The following MTREX variants were observed in gnomAD, a reference collection of about 807,000 sequenced individuals.
The protein encoded by MTREX is exosome RNA helicase MTR4.
Under a neutral mutation model 135.4 loss-of-function variants are expected in MTREX, and 76 were observed. That is an observed-to-expected ratio of 0.56 (90% CI 0.47 to 0.68). MTREX has a LOEUF of 0.68. MTREX is among the 30% of genes least tolerant of loss of function. MTREX has a pLI of 0.00. For synonymous variants in MTREX, 404 were observed against 401.6 expected, an observed-to-expected ratio of 1.01 and a Z score of -0.07; for missense variants, 920 against 1,262.1, an observed-to-expected ratio of 0.73 and a Z score of 4.11.
intron 21 of MTREX, among the ~76,000 whole-genome samples, chr5:55,401,981 G>A (rs1354147364): frequency 6.6e-6 from 1 of 152,122 alleles, no homozygotes; most frequent in Non-Finnish European, 1.5e-5. Context: ...AAGCTCCTTA[G>A]AGTCAGATGT....
chr5:55,405,890 G>A lies in MTREX; in HGVS notation c.2645+302G>A, dbSNP rs113527081. On this transcript the variant is annotated intron_variant, in intron 22 of 26. Transcript: ENST00000230640. ...TTAGATCTCAGTAATTAACACAAGCGCTCCTAGCATTTGTATGTATTTCCT... is the reference window on the plus strand; with the variant it reads ...TTAGATCTCAGTAATTAACACAAGCACTCCTAGCATTTGTATGTATTTCCT... Among the ~76,000 whole-genome samples the A allele has an allele frequency of 5.5e-3, 829 of 152,008 alleles. 5 individuals carry two copies. Among genetic ancestry groups the A allele is most frequent in the African/African-American group, 0.019 (797 of 41,450 alleles).
At chr5:55,399,200 C>G (rs1246182163) in intron 20 of MTREX, among the ~76,000 whole-genome samples, 1 of 152,158 alleles carries the variant, frequency 6.6e-6, no homozygotes, top group African/African-American at 2.4e-5. Context: ...CCAGAGATAT[C>G]AGTCTTTTGA....
rs765668458 is a variant in MTREX, at chr5:55,347,047, T to C, written c.1143T>C (p.Ile381=). The C allele has an allele frequency of 8.1e-6, 13 of 1,610,858 alleles. No homozygotes were observed. Among genetic ancestry groups the C allele is most frequent in the Non-Finnish European group, 9.3e-6 (11 of 1,178,946 alleles). The stretch of plus-strand genomic sequence containing the variant: ...ATGTTTTCAAAATTGTGAAGATGAT[T>C]ATGGAAAGAAATTTCCAACCTGTGA... ...PSNVFKIVKM[I]MERNFQPVII... is the part of the protein sequence containing the mutation. Residue 381 remains isoleucine, a synonymous_variant, in exon 11 of 27, where the codon ATT becomes ATC. Transcript: ENST00000230640.
At chr5:55,409,018 C>G (rs909446954) in intron 22 of MTREX, among the ~76,000 whole-genome samples, 3 of 152,068 alleles carry the variant, frequency 2.0e-5, no homozygotes, top group Admixed American at 6.6e-5. Context: ...GTGGCAAGAT[C>G]ATGGCTCAGT....
chr5:55,419,732 G>T (rs1308581801), intron 25 of MTREX, among the ~76,000 whole-genome samples: 1 of 152,180 alleles, frequency 6.6e-6, no homozygotes, highest in African/African-American at 2.4e-5. Context: ...AAGCTTCTAT[G>T]ATGAATTATC....
intron 18 of MTREX, among the ~76,000 whole-genome samples, chr5:55,381,959 T>C (rs369599736): frequency 5.3e-5 from 8 of 152,360 alleles, no homozygotes; most frequent in African/African-American, 1.9e-4. Context: ...TGTATCAGCA[T>C]AGCTATTTGA....
intron 21 of MTREX, among the ~76,000 whole-genome samples, chr5:55,402,872 G>GTGTGTGTGTATA (rs70992784): frequency 1.4e-5 from 2 of 138,778 alleles, no homozygotes; most frequent in African/African-American, 5.5e-5. Context: ...GTGTGTGTGT[G>GTGTGTGTGTATA]TATATATATA....
At position 55,397,439 on chromosome 5, in the gene MTREX, C is replaced by G. The variant is rs1561208010; in HGVS notation, c.2205C>G (p.Leu735=). ...EMQVVPVLVH[L]LSAISSVRLY... The stretch of plus-strand genomic sequence containing the variant: ...AGGTTGTCCCAGTTTTGGTGCATCT[C>G]CTGTCTGCTATCAGCAGTGTTAGGC... Residue 735 remains leucine, a synonymous_variant, in exon 20 of 27, where the codon CTC becomes CTG. Transcript: ENST00000230640. 1.2e-6 allele frequency: 2 copies of G among 1,609,438 alleles called. No individual in the cohort carries two copies. The highest frequency in any genetic ancestry group is 1.7e-6 in the Non-Finnish European group (2 of 1,176,818).
intron 22 of MTREX, among the ~76,000 whole-genome samples, chr5:55,407,407 C>T (rs1750824473): frequency 6.6e-6 from 1 of 152,120 alleles, no homozygotes; most frequent in African/African-American, 2.4e-5. Flanking sequence ...GGGATTATTT[C>T]CTTCTAATAA....
Position 55,388,114 on chromosome 5 carries a change from ACTTT to A in MTREX, c.2181+15_2181+18del. The stretch of plus-strand genomic sequence containing the variant: ...AAGGAGAGATGCAGGTTTGTACATA[ACTTT>A]CTGTCTTCTGATTTCAGATATTCTG... On this transcript the variant is annotated intron_variant, in intron 19 of 26. Coordinates refer to ENST00000230640, the MANE Select transcript of MTREX (RefSeq NM_015360.5). 6.3e-7 allele frequency: 1 copy of A among 1,584,994 alleles called. No individual in the cohort carries two copies. Among genetic ancestry groups the A allele is most frequent in the African/African-American group, 1.3e-5 (1 of 74,330 alleles).
intron 3 of MTREX, among the ~76,000 whole-genome samples, chr5:55,325,242 T>C (rs1749357102): frequency 6.6e-6 from 1 of 151,810 alleles, no homozygotes; most frequent in African/African-American, 2.4e-5. Context: ...TTTTTTTTTT[T>C]AACTTCAGAT....
chr5:55,350,787 T>G, intron 12 of MTREX, 132 bp from the exon 13 acceptor site: 1 of 784,238 alleles, frequency 1.3e-6, no homozygotes, highest in Admixed American at 3.3e-5. Flanking sequence ...GAGTTTTGCT[T>G]TTATTCTGGA....
At position 55,425,144 on chromosome 5, in the gene MTREX, C is replaced by T; in HGVS notation, c.*372C>T. 4 of 1,562,532 alleles carry T rather than the reference C, an allele frequency of 2.6e-6. No individual in the cohort carries two copies. Among genetic ancestry groups the T allele is most frequent in the Non-Finnish European group, 3.5e-6 (4 of 1,153,380 alleles). On this transcript the variant is annotated 3_prime_UTR_variant, in exon 27 of 27. Transcript: ENST00000230640. Reference sequence around the variant, plus strand: ...CCAGGAAGAAAGATGCATCCTCTTGCCTTGTGGCAATCATTTTCCTTTAGA... The same window carrying T: ...CCAGGAAGAAAGATGCATCCTCTTGTCTTGTGGCAATCATTTTCCTTTAGA...
intron 19 of MTREX, among the ~76,000 whole-genome samples, chr5:55,392,880 G>C (rs760221068): frequency 5.3e-5 from 8 of 152,172 alleles, no homozygotes; most frequent in Non-Finnish European, 8.8e-5. Context: ...GGCAGCCATG[G>C]TGTTAAGCAG....
At chr5:55,340,312 G>C (rs912888772) in intron 6 of MTREX, 128 bp downstream of exon 6, 3 of 504,088 alleles carry the variant, frequency 6.0e-6, no homozygotes, top group African/African-American at 5.9e-5. Flanking sequence ...TTTCTGATTA[G>C]ACTTAGGCAA....
At chr5:55,374,023 T>C (rs6865995) in intron 16 of MTREX, among the ~76,000 whole-genome samples, 60,556 of 151,634 alleles carry the variant, frequency 0.4, 13,113 homozygotes, top group African/African-American at 0.56. Context: ...TTTGGGAGAC[T>C]GAGGTGAGTG....
chr5:55,310,485 G>A (rs1579840897), intron 1 of MTREX, among the ~76,000 whole-genome samples: 2 of 152,230 alleles, frequency 1.3e-5, no homozygotes, highest in East Asian at 3.9e-4. Context: ...GCAGGCGCCT[G>A]TAATCCCAGC....
intron 24 of MTREX, among the ~76,000 whole-genome samples, chr5:55,415,746 T>TA (rs957836330): frequency 2.6e-4 from 40 of 152,210 alleles, no homozygotes; most frequent in African/African-American, 8.7e-4. Context: ...ATGCTCTTGA[T>TA]ACATTTTTCT....
intron 14 of MTREX, among the ~76,000 whole-genome samples, chr5:55,354,511 A>G (rs190851631): frequency 6.6e-6 from 1 of 152,338 alleles, no homozygotes; most frequent in Admixed American, 6.5e-5. Context: ...CAAATCATCA[A>G]AATGCTGAAA....
Sources: gnomAD v4.1 joint callset for allele counts (sites outside exome capture counted in the v4.1 genomes callset) on GRCh38, gnomAD v4.1.1 for gene constraint, MANE v1.5 for transcripts, NCBI Gene and HGNC (gene_info 2026-07-23, HGNC 2026-07-21) for gene names.